Variants in CCDC66 observed in about 807,000 individuals in gnomAD.
The protein encoded by CCDC66 is coiled-coil domain containing 66.
A neutral mutation model predicts 128.3 loss-of-function variants in CCDC66; 133 were observed. The observed-to-expected ratio is 1.04, with a 90% CI of 0.90 to 1.20. CCDC66 has a LOEUF of 1.20. CCDC66 is among the 50% of genes most tolerant of loss of function. The pLI, the probability that CCDC66 is intolerant of heterozygous loss-of-function variation, is 0.00. For synonymous variants in CCDC66, 387 were observed against 357.0 expected (o/e 1.08, Z -0.95); for missense variants, 1,126 against 1,075.5 (o/e 1.05, Z -0.66).
chr3:56,615,734 C>T (rs113644977), intron 12 of CCDC66, 188 bp from the exon 13 acceptor site: 26 of 382,268 alleles, frequency 6.8e-5, no homozygotes, highest in South Asian at 2.3e-4. Flanking sequence ...CTATTTTTAC[C>T]GAGAACAATT....
In CCDC66 at chr3:56,596,694, G is replaced by A. The variant is rs1193052510; in HGVS notation, c.1404+2666G>A. On this transcript the variant is annotated intron_variant, in intron 10 of 17. Coordinates refer to ENST00000394672, the MANE Select transcript of CCDC66 (RefSeq NM_001141947.3). ...ATACCAGTGTCTTGAAGTGTTTTCCGTATGTTTTCTTCTAGTAGGTTTACA... is the reference window on the plus strand; with the variant it reads ...ATACCAGTGTCTTGAAGTGTTTTCCATATGTTTTCTTCTAGTAGGTTTACA... Among the ~76,000 whole-genome samples, 8 of 150,072 alleles carry A rather than the reference G, an allele frequency of 5.3e-5. No individual in the cohort carries two copies. The South Asian group carries it at 6.3e-4, about 12-fold the overall frequency.
rs1300009204 is a variant in CCDC66 at position 56,566,878 on chromosome 3, C to G, written c.711-72C>G. The G allele has an allele frequency of 4.0e-6, 6 of 1,491,082 alleles. No homozygotes were observed. The African/African-American group carries it at 4.2e-5, about 10-fold the overall frequency. 92.4% of individuals were successfully genotyped at this position (1,491,082 alleles called of 1,614,324 possible). On this transcript the variant is annotated intron_variant, in intron 5 of 17. Coordinates refer to ENST00000394672, the MANE Select transcript of CCDC66 (RefSeq NM_001141947.3). The stretch of plus-strand genomic sequence containing the variant: ...CTTAGAGCTATTTAAAAGCTTATTA[C>G]TTAATATTTATGGAGTCAGTTGTGT...
At chr3:56,557,737 C>T (rs1212287729) in intron 1 of CCDC66, 1 of 156,920 alleles carries the variant, frequency 6.4e-6, no homozygotes, top group African/African-American at 2.4e-5. Context: ...GTGCCTAACA[C>T]CTAGTAGGCG....
intron 17 of CCDC66, 157 bp from the exon 18 acceptor site, chr3:56,621,375 G>A (rs1482597417): frequency 2.2e-6 from 1 of 463,320 alleles, no homozygotes. Context: ...ATATCCAAAT[G>A]AGGTGGTCTA....
chr3:56,621,690 G>T lies in CCDC66; in HGVS notation c.*72G>T, dbSNP rs2076658067. ...ATAAAATGTGCTCACTGGCTCAACT[G>T]TATTTTTCAAATAGCCTAGATTTAC... On this transcript the variant is annotated 3_prime_UTR_variant, in exon 18 of 18. Transcript: ENST00000394672. 17 of 1,043,608 alleles carry T rather than the reference G, an allele frequency of 1.6e-5. No homozygotes were observed. Among genetic ancestry groups the T allele is most frequent in the Non-Finnish European group, 2.1e-5 (15 of 706,378 alleles). The allele number at this position is 1,043,608 out of a possible 1,614,324, so 64.6% of individuals were successfully genotyped here.
rs373963574 is a variant in CCDC66, at chr3:56,621,651, G to A, written c.*33G>A. 3.5e-6 allele frequency: 5 copies of A among 1,430,282 alleles called. No individual in the cohort carries two copies. Among genetic ancestry groups the A allele is most frequent in the Non-Finnish European group, 4.8e-6 (5 of 1,030,968 alleles). The allele number at this position is 1,430,282 out of a possible 1,614,324, so 88.6% of individuals were successfully genotyped here. Reference sequence around the variant, plus strand: ...AAATCAAATCCTTCACATTTGATTTGTGTCTTCCAAATTATAAAATGTGCT... The same window carrying A: ...AAATCAAATCCTTCACATTTGATTTATGTCTTCCAAATTATAAAATGTGCT... On this transcript the variant is annotated 3_prime_UTR_variant, in exon 18 of 18. Coordinates refer to ENST00000394672, the MANE Select transcript of CCDC66 (RefSeq NM_001141947.3).
In CCDC66 at chr3:56,605,835, G is replaced by A. The variant is rs535542423; in HGVS notation, c.1405-7754G>A. On this transcript the variant is annotated intron_variant, in intron 10 of 17. Transcript: ENST00000394672. Reference sequence around the variant, plus strand: ...TCCACTGCTCTCTTCAGAGCCATCAGGCAGGGACGTTTAAGTCTGCTGAAG... The same window carrying A: ...TCCACTGCTCTCTTCAGAGCCATCAAGCAGGGACGTTTAAGTCTGCTGAAG... Among the ~76,000 whole-genome samples the A allele has an allele frequency of 4.6e-5, 7 of 152,166 alleles. No homozygotes were observed. In the East Asian group the frequency reaches 1.4e-3, roughly 29 times the overall value.
At chr3:56,608,029 G>T (rs1002017092) in intron 10 of CCDC66, among the ~76,000 whole-genome samples, 1 of 152,162 alleles carries the variant, frequency 6.6e-6, no homozygotes, top group African/African-American at 2.4e-5. Flanking sequence ...GTTAGATTCA[G>T]TTAGCTAGTA....
intron 7 of CCDC66, among the ~76,000 whole-genome samples, chr3:56,590,977 T>C (rs1425484369): frequency 6.6e-6 from 1 of 152,196 alleles, no homozygotes; most frequent in Admixed American, 6.5e-5. Context: ...TACACAAATA[T>C]GCCTTACTCA....
intron 7 of CCDC66, among the ~76,000 whole-genome samples, chr3:56,576,870 G>A (rs576121355): frequency 3.3e-5 from 5 of 151,766 alleles, no homozygotes; most frequent in South Asian, 2.1e-4. Context: ...GAATAGTGCC[G>A]CAGTAAACAT....
intron 3 of CCDC66, 89 bp downstream of exon 3, chr3:56,559,683 C>G (rs763748605): frequency 1.6e-5 from 17 of 1,036,598 alleles, no homozygotes; most frequent in Non-Finnish European, 2.4e-5. Context: ...TGGGAAATGT[C>G]AAGTGTTCTA....
In CCDC66 at chr3:56,582,484, T is replaced by C. The variant is rs796518543; in HGVS notation, c.937-10486T>C. On this transcript the variant is annotated intron_variant, in intron 7 of 17. Coordinates refer to ENST00000394672, the MANE Select transcript of CCDC66 (RefSeq NM_001141947.3). ...CACCTGTCTTCTGCATTGCTCACGC[T>C]GGAAGCTGCAGACTGGAGCTGTTGC... 6.6e-5 allele frequency among the ~76,000 whole-genome samples: 10 copies of C among 151,916 alleles called. No homozygotes were observed. In the South Asian group the frequency reaches 1.9e-3, roughly 28 times the overall value.
chr3:56,611,552 A>G (rs1408049852), intron 10 of CCDC66, among the ~76,000 whole-genome samples: 1 of 145,906 alleles, frequency 6.9e-6, no homozygotes, highest in African/African-American at 2.5e-5. Context: ...TGCAAGCCCA[A>G]TTCATGCCCA....
chr3:56,617,491 G>C lies in CCDC66; in HGVS notation c.2223G>C (p.Leu741Phe). 6.2e-7 allele frequency: 1 copy of C among 1,613,926 alleles called. No individual in the cohort carries two copies. The highest frequency in any genetic ancestry group is 8.5e-7 in the Non-Finnish European group (1 of 1,179,980). ...GGAGGCAGATGGAATTGCTTCATTT[G>C]GTAGAAAAAAATAATCCTGGGCACC... is the stretch of plus-strand genomic sequence containing the variant. ...KVRRQMELLHLVEKNNPGHLS... is the reference protein window; with the variant it reads ...KVRRQMELLHFVEKNNPGHLS... The change falls in exon 14 of 18, where the codon TTG (leucine) becomes TTC (phenylalanine). Residue 741 changes from leucine (L) to phenylalanine (F), a missense_variant. Coordinates refer to ENST00000394672, the MANE Select transcript of CCDC66 (RefSeq NM_001141947.3).
rs957650846 is a variant in CCDC66 at position 56,619,643 on chromosome 3, T to C, written c.2635+116T>C. 1.0e-5 allele frequency: 15 copies of C among 1,485,768 alleles called. No homozygotes were observed. The Admixed American group carries it at 1.6e-4, about 16-fold the overall frequency. The allele number at this position is 1,485,768 out of a possible 1,614,324, so 92.0% of individuals were successfully genotyped here. ...ACTTAGTTCTATAAAGTTTCTTGAATATGTCTTAAATTTTTCTTAGTACTT... is the reference window on the plus strand; with the variant it reads ...ACTTAGTTCTATAAAGTTTCTTGAACATGTCTTAAATTTTTCTTAGTACTT... On this transcript the variant is annotated intron_variant, in intron 16 of 17. Coordinates refer to ENST00000394672, the MANE Select transcript of CCDC66 (RefSeq NM_001141947.3).
At chr3:56,585,821 T>G (rs967663365) in intron 7 of CCDC66, among the ~76,000 whole-genome samples, 10 of 151,898 alleles carry the variant, frequency 6.6e-5, no homozygotes, top group African/African-American at 2.4e-4. Context: ...TCCCAAATAT[T>G]TCTTTTAATA....
intron 6 of CCDC66, 35 bp from the exon 7 acceptor site, chr3:56,571,146 T>C (rs755756725): frequency 1.4e-6 from 2 of 1,429,690 alleles, no homozygotes; most frequent in Non-Finnish European, 1.9e-6. Context: ...TTTTACAGTT[T>C]TTGTACATTT....
At chr3:56,594,175 A>C (rs1181374130) in intron 10 of CCDC66, 147 bp downstream of exon 10, 5 of 700,838 alleles carry the variant, frequency 7.1e-6, no homozygotes, top group Non-Finnish European at 1.2e-5. Context: ...CCCTACCACA[A>C]CTGGCATTGT....
At chr3:56,612,079 C>T (rs1559756731) in intron 10 of CCDC66, among the ~76,000 whole-genome samples, 3 of 152,216 alleles carry the variant, frequency 2.0e-5, no homozygotes, top group Admixed American at 2.0e-4. Context: ...TCTAGTCCTG[C>T]CTCCCATCTG....
Sources: gnomAD v4.1 joint callset for allele counts (sites outside exome capture counted in the v4.1 genomes callset) on GRCh38, gnomAD v4.1.1 for gene constraint, MANE v1.5 for transcripts, NCBI Gene and HGNC (gene_info 2026-07-23, HGNC 2026-07-21) for gene names.